TTPA: variants seen among roughly 807,000 people sequenced by gnomAD.
TTPA encodes the protein alpha-tocopherol transfer protein.
A neutral mutation model predicts 25.9 loss-of-function variants in TTPA; 23 were observed. The ratio of observed to expected loss-of-function variants is 0.89; its 90% CI spans 0.64 to 1.26. The LOEUF (loss-of-function observed/expected upper bound fraction) is 1.26, where lower values mean the gene tolerates loss of function less well. TTPA is among the 50% of genes most tolerant of loss of function. The pLI is 0.00. For missense variants in TTPA, 337 were observed against 353.1 expected (o/e 0.95, Z 0.37); for synonymous variants, 148 against 137.3 (o/e 1.08, Z -0.54).
At chr8:63,078,751 G>A (rs748008019) in intron 1 of TTPA, among the ~76,000 whole-genome samples, 2 of 152,148 alleles carry the variant, frequency 1.3e-5, no homozygotes, top group Non-Finnish European at 2.9e-5. Context: ...GGAACCAGTT[G>A]GAAAACACTC....
intron 1 of TTPA, among the ~76,000 whole-genome samples, chr8:63,085,478 C>T (rs1396774993): frequency 6.6e-6 from 1 of 152,208 alleles, no homozygotes; most frequent in African/African-American, 2.4e-5. Context: ...CACAGGCTTT[C>T]CTGCAGGGAG....
intron 2 of TTPA, among the ~76,000 whole-genome samples, chr8:63,071,494 G>T (rs1398665392): frequency 3.9e-5 from 6 of 152,160 alleles, no homozygotes; most frequent in Non-Finnish European, 8.8e-5. Context: ...GAAATTCTGG[G>T]AATAGTGTGA....
At chr8:63,076,026 G>A (rs1447807117) in intron 1 of TTPA, among the ~76,000 whole-genome samples, 3 of 152,164 alleles carry the variant, frequency 2.0e-5, no homozygotes. Flanking sequence ...TTATATGTTT[G>A]TTGTTTTAAA....
intron 2 of TTPA, among the ~76,000 whole-genome samples, chr8:63,069,156 A>AAAAACAAAAC (rs879621073): frequency 1.3e-5 from 2 of 152,114 alleles, no homozygotes; most frequent in African/African-American, 2.4e-5. Context: ...TCTGTCTCAA[A>AAAAACAAAAC]AAAACAAAAC....
At chr8:63,076,957 C>T (rs536340509) in intron 1 of TTPA, among the ~76,000 whole-genome samples, 26 of 151,754 alleles carry the variant, frequency 1.7e-4, no homozygotes, top group Non-Finnish European at 2.8e-4. Context: ...AAAGAGAAGA[C>T]ACAAATAACT....
intron 2 of TTPA, among the ~76,000 whole-genome samples, chr8:63,070,559 T>A (rs1805467687): frequency 6.6e-6 from 1 of 152,242 alleles, no homozygotes; most frequent in Non-Finnish European, 1.5e-5. Context: ...CATACCTTCC[T>A]GTTCTGACCA....
chr8:63,063,066 A>G (rs1334818540), intron 4 of TTPA, among the ~76,000 whole-genome samples: 3 of 152,230 alleles, frequency 2.0e-5, no homozygotes, highest in African/African-American at 7.2e-5. Flanking sequence ...ATAAGATGTT[A>G]TATTTTCTTA....
intron 2 of TTPA, among the ~76,000 whole-genome samples, chr8:63,067,898 A>G (rs1401006711): frequency 6.6e-6 from 1 of 152,204 alleles, no homozygotes; most frequent in Non-Finnish European, 1.5e-5. Context: ...TAATTCACTT[A>G]AGATAATGGC....
chr8:63,059,167 G>T (rs954519794), downstream of TTPA, among the ~76,000 whole-genome samples: 7 of 148,288 alleles, frequency 4.7e-5, no homozygotes, highest in African/African-American at 1.7e-4. Context: ...AAGTAGCTGG[G>T]ACTACAGGCG....
At chr8:63,064,121 G>T in intron 4 of TTPA, 85 bp downstream of exon 4, 2 of 972,918 alleles carry the variant, frequency 2.1e-6, no homozygotes, top group Non-Finnish European at 3.2e-6. Context: ...GCAGGTACGA[G>T]GAAAGATGAT....
At chr8:63,070,387 G>A (rs957607560) in intron 2 of TTPA, among the ~76,000 whole-genome samples, 7 of 152,158 alleles carry the variant, frequency 4.6e-5, no homozygotes, top group African/African-American at 1.2e-4. Flanking sequence ...TCTAGAGAAG[G>A]TGGTTATGCT....
At chr8:63,072,272 T>C (rs933425872) in intron 2 of TTPA, among the ~76,000 whole-genome samples, 1 of 152,206 alleles carries the variant, frequency 6.6e-6, no homozygotes, top group African/African-American at 2.4e-5. Flanking sequence ...GTTTTTTGTT[T>C]GTTTGTTTGA....
At position 63,082,801 on chromosome 8, in the gene TTPA, A is replaced by G. The variant is rs541783030; in HGVS notation, c.204+3017T>C. Among the ~76,000 whole-genome samples, 6 of 152,316 alleles carry G rather than the reference A, an allele frequency of 3.9e-5. No individual in the cohort carries two copies. In the South Asian group the frequency reaches 1.2e-3, roughly 32 times the overall value. ...GAACTTAAACAAATTTACAAGAAAA[A>G]CAACCCCATCAAAAAGTGGGTGAAG... On this transcript the variant is annotated intron_variant, in intron 1 of 4. Transcript: ENST00000260116.
chr8:63,064,311 T>C lies in TTPA; in HGVS notation c.558A>G (p.Ser186=), dbSNP rs774283073. Residue 186 remains serine, a synonymous_variant, in exon 4 of 5, where the codon TCA becomes TCG. Coordinates refer to ENST00000260116, the MANE Select transcript of TTPA (RefSeq NM_000370.3). ...AKKIAAVLTD[S]FPLKVRGIHL... is the part of the protein sequence containing the mutation. ...GGATGCCACGAACTTTCAATGGAAA[T>C]GAATCCTTTTGAAAATAAAAAAATC... The C allele has an allele frequency of 7.8e-5, 125 of 1,604,274 alleles. 2 individuals carry two copies. The South Asian group carries it at 1.1e-3, about 14-fold the overall frequency.
At position 63,061,414 on chromosome 8, in the gene TTPA, A is replaced by ACAG; in HGVS notation, c.674_675insCTG (p.His225_Gly226insCys). 6.2e-7 allele frequency: 1 copy of ACAG among 1,613,976 alleles called. No homozygotes were observed. Among genetic ancestry groups the ACAG allele is most frequent in the Non-Finnish European group, 8.5e-7 (1 of 1,179,952 alleles). ...GCAAGCTTTGTTTGTAGTTGTTCCC[A>ACAG]TGCATGTGAATCTGAAATAGCCAAA... is the stretch of plus-strand genomic sequence containing the variant. On this transcript the variant is annotated inframe_insertion, in exon 5 of 5. Coordinates refer to ENST00000260116, the MANE Select transcript of TTPA (RefSeq NM_000370.3).
chr8:63,063,656 C>T (rs1208134119), intron 4 of TTPA, among the ~76,000 whole-genome samples: 1 of 152,074 alleles, frequency 6.6e-6, no homozygotes, highest in Non-Finnish European at 1.5e-5. Flanking sequence ...TTTGTATATC[C>T]TTTTAATGTA....
rs907359566 is a variant in TTPA, at chr8:63,083,881, C to CT, written c.204+1936dup. Reference sequence around the variant, plus strand: ...AGTGATGAGTTATAGAGTTTTTTTTCTTTTTTTTCTTTTTTTTTTTTGAGA... The same window carrying CT: ...AGTGATGAGTTATAGAGTTTTTTTTCTTTTTTTTTCTTTTTTTTTTTTGAGA... On this transcript the variant is annotated intron_variant, in intron 1 of 4. Transcript: ENST00000260116. Among the ~76,000 whole-genome samples the CT allele has an allele frequency of 3.4e-5, 5 of 148,622 alleles. No homozygotes were observed. The South Asian group carries it at 8.6e-4, about 25-fold the overall frequency.
chr8:63,081,933 A>T (rs1805670403), intron 1 of TTPA, among the ~76,000 whole-genome samples: 1 of 152,232 alleles, frequency 6.6e-6, no homozygotes, highest in Non-Finnish European at 1.5e-5. Context: ...CCAACTTACA[A>T]GGAATGTGAA....
chr8:63,082,856 C>G (rs1036795102), intron 1 of TTPA, among the ~76,000 whole-genome samples: 1 of 152,154 alleles, frequency 6.6e-6, no homozygotes, highest in African/African-American at 2.4e-5. Context: ...CAAAAGAAGA[C>G]ATTTATGCAG....
Sources: gnomAD v4.1 joint callset for allele counts (sites outside exome capture counted in the v4.1 genomes callset) on GRCh38, gnomAD v4.1.1 for gene constraint, MANE v1.5 for transcripts, NCBI Gene and HGNC (gene_info 2026-07-23, HGNC 2026-07-21) for gene names.